The following DTNA variants were observed in gnomAD, a reference collection of about 807,000 sequenced individuals.
The protein encoded by DTNA is dystrophin-related protein 3.
In DTNA, 43 loss-of-function variants were observed where a neutral mutation model predicts 100.7. That is an observed-to-expected ratio of 0.43 (90% CI 0.33 to 0.55). The LOEUF (loss-of-function observed/expected upper bound fraction) is 0.55. Among genes scored for constraint, DTNA ranks in the 20% least tolerant of loss-of-function variants. The pLI, the probability that DTNA is intolerant of heterozygous loss-of-function variation, is 0.04. For synonymous variants in DTNA, 349 were observed against 347.9 expected, an observed-to-expected ratio of 1.00 and a Z score of -0.04; for missense variants, 798 against 953.9, an observed-to-expected ratio of 0.84 and a Z score of 2.15.
chr18:34,887,828 T>C lies in DTNA; in HGVS notation c.*94T>C. On this transcript the variant is annotated 3_prime_UTR_variant, in exon 23 of 23. Coordinates refer to ENST00000444659, the MANE Select transcript of DTNA (RefSeq NM_001386795.1). ...AAACTGGTGATGATGGAGAGCCCTG[T>C]GGCCACACAGAGGAGGAAGACAGCA... 1 of 986,088 alleles carries C rather than the reference T, an allele frequency of 1.0e-6. No homozygotes were observed. The highest frequency in any genetic ancestry group is 1.2e-6 in the Non-Finnish European group (1 of 830,028). The allele number at this position is 986,088 out of a possible 1,614,324, so 61.1% of individuals were successfully genotyped here.
intron 1 of DTNA, among the ~76,000 whole-genome samples, chr18:34,603,473 G>T (rs2052380665): frequency 6.6e-6 from 1 of 151,686 alleles, no homozygotes; most frequent in Admixed American, 6.6e-5. Context: ...ATTTTTAAGT[G>T]TAGAGTTCAA....
intron 1 of DTNA, among the ~76,000 whole-genome samples, chr18:34,542,427 T>G (rs2044336003): frequency 6.6e-6 from 1 of 152,028 alleles, no homozygotes; most frequent in Non-Finnish European, 1.5e-5. Context: ...ATCCATTCCC[T>G]CCTGTGGACT....
At chr18:34,878,318 A>G (rs2096839120) in intron 19 of DTNA, among the ~76,000 whole-genome samples, 1 of 152,200 alleles carries the variant, frequency 6.6e-6, no homozygotes. Context: ...GACTATTAAC[A>G]CATACTCAAT....
intron 2 of DTNA, among the ~76,000 whole-genome samples, chr18:34,763,074 C>A (rs2093280775): frequency 6.6e-6 from 1 of 152,178 alleles, no homozygotes; most frequent in Non-Finnish European, 1.5e-5. Flanking sequence ...TGCCACATCA[C>A]AAACATTTTT....
intron 1 of DTNA, among the ~76,000 whole-genome samples, chr18:34,734,514 G>A (rs898459529): frequency 9.9e-5 from 15 of 152,136 alleles, no homozygotes; most frequent in African/African-American, 3.6e-4. Context: ...TTGCAGGTCA[G>A]CCACTTGCAT....
At position 34,888,892 on chromosome 18, in the gene DTNA, C is replaced by T. The variant is rs1424265100; in HGVS notation, c.*1158C>T. 2 of 985,868 alleles carry T rather than the reference C, an allele frequency of 2.0e-6. No individual in the cohort carries two copies. The highest frequency in any genetic ancestry group is 2.4e-6 in the Non-Finnish European group (2 of 829,952). The allele number at this position is 985,868 out of a possible 1,614,324, so 61.1% of individuals were successfully genotyped here. A position where few individuals can be genotyped will look rare whatever the true frequency, so the allele number is the denominator to read the frequency against. ...TCTGAATGTTGATTGCCTTAGCTGG[C>T]CACCTGGTGTTCTGCATGTAGCCTT... On this transcript the variant is annotated 3_prime_UTR_variant, in exon 23 of 23. Coordinates refer to ENST00000444659, the MANE Select transcript of DTNA (RefSeq NM_001386795.1).
chr18:34,647,167 AG>A (rs1398580446), intron 1 of DTNA, among the ~76,000 whole-genome samples: 1 of 152,122 alleles, frequency 6.6e-6, no homozygotes, highest in Non-Finnish European at 1.5e-5. Flanking sequence ...ACACACGGGT[AG>A]CCACTTTGGC....
At chr18:34,676,323 C>A (rs1426338448) in intron 1 of DTNA, among the ~76,000 whole-genome samples, 1 of 152,188 alleles carries the variant, frequency 6.6e-6, no homozygotes, top group Admixed American at 6.5e-5. Flanking sequence ...TAAAATGCAG[C>A]ACCCAAAATG....
At chr18:34,674,230 C>A (rs1235952932) in intron 1 of DTNA, among the ~76,000 whole-genome samples, 2 of 152,186 alleles carry the variant, frequency 1.3e-5, no homozygotes, top group Non-Finnish European at 2.9e-5. Flanking sequence ...TGATCTTGCC[C>A]TTCCGCAAAG....
At chr18:34,555,671 T>G (rs568006919) in intron 1 of DTNA, among the ~76,000 whole-genome samples, 131 of 152,306 alleles carry the variant, frequency 8.6e-4, no homozygotes, top group African/African-American at 3.1e-3. Flanking sequence ...TCAGTTTCCA[T>G]GTAGTTGAGC....
rs578249361 is a variant in DTNA at position 34,806,202 on chromosome 18, C to A, written c.363-17C>A. 33 of 1,608,470 alleles carry A rather than the reference C, an allele frequency of 2.1e-5. No homozygotes were observed. The highest frequency in any genetic ancestry group is 2.8e-5 in the Non-Finnish European group (33 of 1,175,550). ...TTTTGTTTTTGTTTTTGTTTTTTTTCTATTACCATTAAACAGGGAAGGCCA... is the reference window on the plus strand; with the variant it reads ...TTTTGTTTTTGTTTTTGTTTTTTTTATATTACCATTAAACAGGGAAGGCCA... On this transcript the variant is annotated splice_polypyrimidine_tract_variant and intron_variant, in intron 4 of 22. Coordinates refer to ENST00000444659, the MANE Select transcript of DTNA (RefSeq NM_001386795.1).
intron 1 of DTNA, among the ~76,000 whole-genome samples, chr18:34,690,939 A>C (rs2079655012): frequency 6.6e-6 from 1 of 152,154 alleles, no homozygotes; most frequent in Admixed American, 6.5e-5. Flanking sequence ...TCCTTTTTTA[A>C]GGATTAGGAA....
intron 8 of DTNA, 63 bp from the exon 9 acceptor site, chr18:34,820,728 C>T: frequency 6.2e-7 from 1 of 1,608,732 alleles, no homozygotes. Flanking sequence ...AAAAGCAAAT[C>T]ATTTGATAAA....
intron 1 of DTNA, among the ~76,000 whole-genome samples, chr18:34,689,229 T>G (rs1370747752): frequency 2.0e-5 from 3 of 152,148 alleles, no homozygotes; most frequent in Non-Finnish European, 2.9e-5. Context: ...GCGTTCTGCT[T>G]TTTGGAATTT....
chr18:34,521,659 C>T (rs1389791498), intron 1 of DTNA, among the ~76,000 whole-genome samples: 1 of 152,248 alleles, frequency 6.6e-6, no homozygotes, highest in East Asian at 1.9e-4. Flanking sequence ...TTGCCCAGCT[C>T]AGGACCATTG....
In DTNA at chr18:34,829,506, T is replaced by C. The variant is rs2095948562; in HGVS notation, c.1175+17T>C. On this transcript the variant is annotated intron_variant, in intron 11 of 22. Transcript: ENST00000444659. ...CGGTGCACGGTCAGTATCCCAGCCC[T>C]GAATTGCTAATCGTAGTAGTAGTTC... The C allele has an allele frequency of 6.7e-7, 1 of 1,500,942 alleles. No homozygotes were observed. Among genetic ancestry groups the C allele is most frequent in the Non-Finnish European group, 8.9e-7 (1 of 1,124,022 alleles). The allele number at this position is 1,500,942 out of a possible 1,614,324, so 93.0% of individuals were successfully genotyped here.
At chr18:34,838,277 T>A in intron 12 of DTNA, 106 bp downstream of exon 12, 1 of 1,243,868 alleles carries the variant, frequency 8.0e-7, no homozygotes, top group Non-Finnish European at 1.2e-6. Flanking sequence ...TTTGATTCAG[T>A]AAAAGCAGCT....
intron 1 of DTNA, among the ~76,000 whole-genome samples, chr18:34,551,658 T>G (rs2045431854): frequency 6.6e-6 from 1 of 152,114 alleles, no homozygotes; most frequent in Non-Finnish European, 1.5e-5. Context: ...TACTTGTGTT[T>G]GCTTTATGTA....
At chr18:34,564,242 A>G (rs1403301535) in intron 1 of DTNA, among the ~76,000 whole-genome samples, 1 of 152,158 alleles carries the variant, frequency 6.6e-6, no homozygotes, top group African/African-American at 2.4e-5. Context: ...TTCTGGGTTA[A>G]AGTGATTCTC....
Sources: gnomAD v4.1 joint callset for allele counts (sites outside exome capture counted in the v4.1 genomes callset) on GRCh38, gnomAD v4.1.1 for gene constraint, MANE v1.5 for transcripts, NCBI Gene and HGNC (gene_info 2026-07-23, HGNC 2026-07-21) for gene names.